Variants in NDUFB11 observed in about 807,000 individuals in gnomAD.
The protein encoded by NDUFB11 is NADH dehydrogenase [ubiquinone] 1 beta subcomplex subunit 11, mitochondrial.
For missense variants in NDUFB11, 108 were observed against 133.8 expected (o/e 0.81, Z 0.95); for synonymous variants, 51 against 57.4 (o/e 0.89, Z 0.51).
chrX:47,144,201 A>T (rs919467403), intron 1 of NDUFB11, among the ~76,000 whole-genome samples: 52 of 109,077 alleles, frequency 4.8e-4, no homozygotes, highest in South Asian at 1.6e-3. Context: ...GTTGTACTAT[A>T]CTGCTTCTAA....
At chrX:47,145,357 C>T (rs782231263), upstream of NDUFB11, 2 of 983,153 alleles carry the variant, frequency 2.0e-6, no homozygotes, top group East Asian at 3.3e-5. Flanking sequence ...CCCCTCCCCC[C>T]GATCTGCCTC....
chrX:47,145,283 C>T (rs781956290), upstream of NDUFB11: 33 of 553,197 alleles, frequency 6.0e-5, no homozygotes, highest in South Asian at 7.1e-4. Flanking sequence ...GAGCTGGTGA[C>T]TGTGGCCGGC....
upstream of NDUFB11, chrX:47,145,182 G>A: frequency 2.3e-6 from 1 of 428,155 alleles, no homozygotes; most frequent in South Asian, 3.4e-5. Context: ...CCTAGCGGGC[G>A]GTGACCAATC....
At chrX:47,143,495 G>A (rs933415648) in intron 1 of NDUFB11, among the ~76,000 whole-genome samples, 2 of 112,053 alleles carry the variant, frequency 1.8e-5, no homozygotes, top group Non-Finnish European at 1.9e-5. Context: ...TATTGATGAA[G>A]TACTTATTAT....
upstream of NDUFB11, chrX:47,145,292 G>A (rs1932010811): frequency 1.7e-6 from 1 of 589,685 alleles, no homozygotes. Context: ...ACTGTGGCCG[G>A]CTGGGAGTAG....
chrX:47,144,561 G>T lies in NDUFB11; in HGVS notation c.119C>A (p.Pro40Gln). 1 of 1,198,774 alleles carries T rather than the reference G, an allele frequency of 8.3e-7. No homozygotes were observed. Among genetic ancestry groups the T allele is most frequent in the Non-Finnish European group, 1.1e-6 (1 of 888,376 alleles). The change falls in exon 1 of 3, where the codon CCG (proline) becomes CAG (glutamine). Residue 40 changes from proline (P) to glutamine (Q), a missense_variant. Transcript: ENST00000377811. Reference protein sequence around the residue: ...ESSFSRTVVAPSAVAGKRPPE... With the variant: ...ESSFSRTVVAQSAVAGKRPPE... ...GGGCCGCTTTCCCGCCACAGCGGAC[G>T]GGGCGACCACAGTCCTGGAGAAGCT...
At chrX:47,143,663 C>T (rs1931852570) in intron 1 of NDUFB11, among the ~76,000 whole-genome samples, 1 of 111,939 alleles carries the variant, frequency 8.9e-6, no homozygotes, top group Non-Finnish European at 1.9e-5. Context: ...GTGGGGTGTC[C>T]TATTTTTTAG....
Position 47,144,496 on chromosome X carries a change from C to T in NDUFB11, c.184G>A (p.Glu62Lys), listed in dbSNP as rs782624044. The T allele has an allele frequency of 2.4e-5, 18 of 737,484 alleles. No homozygotes were observed. The African/African-American group carries it at 4.2e-4, about 17-fold the overall frequency. 60.8% of individuals were successfully genotyped at this position (737,484 alleles called of 1,213,427 possible). Residue 62 changes from glutamate to lysine, a missense_variant, in exon 1 of 3, where the codon GAG (glutamate) becomes AAG (lysine). By Grantham distance (56) the Glu-to-Lys change is moderately conservative. Transcript: ENST00000377811. Reference sequence around the variant, plus strand: ...ACCTTCTCATACAAGTTTTCGTCCTCGGGTTCTGGGTCCTCTTGCCACGGT... The same window carrying T: ...ACCTTCTCATACAAGTTTTCGTCCTTGGGTTCTGGGTCCTCTTGCCACGGT... Reference protein sequence around the residue: ...TTPWQEDPEPEDENLYEKNPD... With the variant: ...TTPWQEDPEPKDENLYEKNPD...
upstream of NDUFB11, chrX:47,144,791 C>A: frequency 1.4e-6 from 1 of 726,903 alleles, no homozygotes; most frequent in Non-Finnish European, 1.9e-6. Context: ...CTATATAGGT[C>A]CCAGATCTGA....
At chrX:47,144,445 T>TGG in intron 1 of NDUFB11, 28 bp downstream of exon 1, 1 of 61,000 alleles carries the variant, frequency 1.6e-5, no homozygotes, top group Non-Finnish European at 2.6e-5. Flanking sequence ...CCGTCCCCAC[T>TGG]ACCCCCCCCC....
In NDUFB11 at chrX:47,142,625, C is replaced by G. The variant is rs182601059; in HGVS notation, c.327G>C (p.Leu109=). ...GACACCCTGTGCACCTGTAGTCAGG[C>G]AGATAGGCCACAAAGGTGCTGCCAA... ...LVLGSTFVAY[L]PDYRMKEWSR... The change falls in exon 2 of 3, where the codon CTG becomes CTC. Residue 109 remains leucine (L), a synonymous_variant. Transcript: ENST00000377811. 1.6e-5 allele frequency: 19 copies of G among 1,210,274 alleles called. 1 individual carries two copies. The highest frequency in any genetic ancestry group is 2.3e-4 in the Middle Eastern group (1 of 4,353).
chrX:47,144,717 A>C, upstream of NDUFB11: 1 of 1,087,188 alleles, frequency 9.2e-7, no homozygotes, highest in Non-Finnish European at 1.2e-6. Flanking sequence ...GCGGGGAAAG[A>C]AATGCGACTG....
Position 47,144,499 on chromosome X carries a change from G to A in NDUFB11, c.181C>T (p.Pro61Ser), listed in dbSNP as rs1556761185. ...PTTPWQEDPE[P>S]EDENLYEKNP... ...TTCTCATACAAGTTTTCGTCCTCGG[G>A]TTCTGGGTCCTCTTGCCACGGTGTG... The change falls in exon 1 of 3, where the codon CCC (proline) becomes TCC (serine). Residue 61 changes from proline (P) to serine (S), a missense_variant. By Grantham distance (74) the Pro-to-Ser change is moderately conservative. Coordinates refer to ENST00000377811, the MANE Select transcript of NDUFB11 (RefSeq NM_001135998.3). 5.0e-6 allele frequency: 5 copies of A among 992,595 alleles called. No homozygotes were observed. Among genetic ancestry groups the A allele is most frequent in the African/African-American group, 2.5e-5 (1 of 40,448 alleles). The allele number at this position is 992,595 out of a possible 1,213,427, so 81.8% of individuals were successfully genotyped here.
intron 2 of NDUFB11, 43 bp from the exon 3 acceptor site, chrX:47,142,483 C>T (rs782279354): frequency 8.3e-7 from 1 of 1,207,841 alleles, no homozygotes; most frequent in South Asian, 1.8e-5. Flanking sequence ...GGAGCCTCAA[C>T]TGATACCAAT....
In NDUFB11 at chrX:47,142,362, G is replaced by A; in HGVS notation, c.417C>T (p.Ser139=). ...REANGLPIME[S]NCFDPSKIQL... The stretch of plus-strand genomic sequence containing the variant: ...GGATCTTGCTGGGGTCGAAGCAGTT[G>A]GATTCCATGATGGGAAGGCCATTGG... The change falls in exon 3 of 3, where the codon TCC becomes TCT. Residue 139 remains serine, a synonymous_variant. Transcript: ENST00000377811. 1 of 1,211,386 alleles carries A rather than the reference G, an allele frequency of 8.3e-7. No homozygotes were observed. The highest frequency in any genetic ancestry group is 3.0e-5 in the East Asian group (1 of 33,845).
In NDUFB11 at chrX:47,144,540, C is replaced by T. The variant is rs781871228; in HGVS notation, c.140G>A (p.Arg47Gln). ...VVAPSAVAGK[R>Q]PPEPTTPWQE... ...CCACGGTGTGGTCGGTTCTGGGGGC[C>T]GCTTTCCCGCCACAGCGGACGGGGC... Residue 47 changes from arginine (R) to glutamine (Q), a missense_variant, in exon 1 of 3, where the codon CGG (arginine) becomes CAG (glutamine). Transcript: ENST00000377811. 2 of 1,143,051 alleles carry T rather than the reference C, an allele frequency of 1.7e-6. No homozygotes were observed. The highest frequency in any genetic ancestry group is 1.9e-5 in the African/African-American group (1 of 52,800). 94.2% of individuals were successfully genotyped at this position (1,143,051 alleles called of 1,213,427 possible).
In NDUFB11 at chrX:47,144,670, C is replaced by T; in HGVS notation, c.10G>A (p.Gly4Arg). The change falls in exon 1 of 3, where the codon GGG becomes AGG. Residue 4 changes from glycine (G) to arginine (R), a missense_variant. Physicochemically the swap from Gly to Arg is moderately radical, Grantham distance 125 (BLOSUM62 -2). Transcript: ENST00000377811. MAA[G>R]LFGLSARRLL... ...CGGCGAGCGCTCAAACCAAACAGCC[C>T]AGCCGCCATGACAGATGGTGCTGCA... 3 of 1,160,039 alleles carry T rather than the reference C, an allele frequency of 2.6e-6. No individual in the cohort carries two copies. Among genetic ancestry groups the T allele is most frequent in the Non-Finnish European group, 3.5e-6 (3 of 868,741 alleles).
At chrX:47,144,720 T>A, upstream of NDUFB11, 1 of 1,074,087 alleles carries the variant, frequency 9.3e-7, no homozygotes, top group Non-Finnish European at 1.2e-6. Context: ...GGGAAAGAAA[T>A]GCGACTGTGC....
At chrX:47,142,488 A>G (rs1297000112) in intron 2 of NDUFB11, 48 bp from the exon 3 acceptor site, 1 of 1,206,016 alleles carries the variant, frequency 8.3e-7, no homozygotes, top group Non-Finnish European at 1.1e-6. Context: ...CTCAACTGAT[A>G]CCAATCCCTC....
Sources: gnomAD v4.1 joint callset for allele counts (sites outside exome capture counted in the v4.1 genomes callset) on GRCh38, gnomAD v4.1.1 for gene constraint, MANE v1.5 for transcripts, NCBI Gene and HGNC (gene_info 2026-07-23, HGNC 2026-07-21) for gene names.